The following ITGB5 variants were observed in gnomAD, a reference collection of about 807,000 sequenced individuals.
ITGB5 encodes integrin subunit beta 5, also known as integrin beta-5.
In ITGB5, 38 loss-of-function variants were observed where a neutral mutation model predicts 84.8. The observed-to-expected ratio is 0.45, with a 90% CI of 0.35 to 0.59. ITGB5 has a LOEUF of 0.59. Among genes scored for constraint, ITGB5 ranks in the 20% least tolerant of loss-of-function variants. The pLI is 0.01. For missense variants in ITGB5, 905 were observed against 1,034.5 expected (o/e 0.87, Z 1.72); for synonymous variants, 393 against 414.4 (o/e 0.95, Z 0.63).
chr3:124,856,550 T>C (rs1579301582), intron 3 of ITGB5, among the ~76,000 whole-genome samples: 1 of 152,270 alleles, frequency 6.6e-6, no homozygotes, highest in East Asian at 1.9e-4. Context: ...TGAATGAAAA[T>C]AGCACGATTA....
At position 124,841,384 on chromosome 3, in the gene ITGB5, T is replaced by C. The variant is rs1480819506; in HGVS notation, c.779A>G (p.Lys260Arg). 1.2e-6 allele frequency: 2 copies of C among 1,613,600 alleles called. No individual in the cohort carries two copies. The highest frequency in any genetic ancestry group is 1.7e-6 in the Non-Finnish European group (2 of 1,179,728). Residue 260 changes from lysine (K) to arginine (R), a missense_variant and splice_region_variant, in exon 5 of 15, where the codon AAG (lysine) becomes AGG (arginine). Lys to Arg is a conservative substitution (Grantham distance 26). This residue lies in a region of ITGB5 where 656 missense variants were observed against 734.7 expected (regional missense o/e 0.89). Transcript: ENST00000296181. ...GACAGGACCAGAAAGGAAAGTTACCTTGCAGACGGCTGCCTGGAGTACTGC... is the reference window on the plus strand; with the variant it reads ...GACAGGACCAGAAAGGAAAGTTACCCTGCAGACGGCTGCCTGGAGTACTGC... ...FDAVLQAAVCKEKIGWRKDAL... is the reference protein window; with the variant it reads ...FDAVLQAAVCREKIGWRKDAL...
chr3:124,821,048 C>T (rs890321134), intron 6 of ITGB5, among the ~76,000 whole-genome samples: 10 of 152,190 alleles, frequency 6.6e-5, no homozygotes, highest in Non-Finnish European at 1.5e-4. Context: ...CACCCGTATC[C>T]CAACCAAACA....
chr3:124,897,416 G>A (rs1470145319), intron 1 of ITGB5, among the ~76,000 whole-genome samples: 2 of 152,138 alleles, frequency 1.3e-5, no homozygotes, highest in African/African-American at 4.8e-5. Flanking sequence ...CTTCCTTCAT[G>A]TTCTTAGAGA....
chr3:124,890,882 T>C (rs1200144029), upstream of ITGB5, among the ~76,000 whole-genome samples: 2 of 152,210 alleles, frequency 1.3e-5, no homozygotes, highest in African/African-American at 2.4e-5. Context: ...TCTTCCTTTT[T>C]TTTATTAAGC....
At chr3:124,794,489 C>T (rs1270989037) in intron 10 of ITGB5, among the ~76,000 whole-genome samples, 2 of 151,992 alleles carry the variant, frequency 1.3e-5, no homozygotes, top group Admixed American at 1.3e-4. Flanking sequence ...TTTAACAGAA[C>T]GAAAAGGTGG....
intron 2 of ITGB5, among the ~76,000 whole-genome samples, chr3:124,867,203 T>C (rs1210694570): frequency 6.6e-6 from 1 of 152,192 alleles, no homozygotes; most frequent in Non-Finnish European, 1.5e-5. Context: ...CATGCATCCA[T>C]GGCCTCACTG....
intron 10 of ITGB5, among the ~76,000 whole-genome samples, chr3:124,794,152 AT>A (rs754530546): frequency 1.1e-4 from 17 of 152,244 alleles, no homozygotes; most frequent in Non-Finnish European, 1.6e-4. Context: ...AAACCACAGA[AT>A]ACATGATGTG....
chr3:124,765,193 G>T (rs2063749262), intron 13 of ITGB5, among the ~76,000 whole-genome samples: 3 of 152,136 alleles, frequency 2.0e-5, no homozygotes, highest in Admixed American at 2.0e-4. Flanking sequence ...ATCTTTTTCT[G>T]CTCCACCCCT....
intron 11 of ITGB5, 176 bp from the exon 12 acceptor site, chr3:124,769,289 A>C (rs1420005430): frequency 1.7e-6 from 1 of 583,484 alleles, no homozygotes; most frequent in East Asian, 2.9e-5. Flanking sequence ...GAGGAAGCCC[A>C]AGGGTTCTTG....
At chr3:124,776,371 G>T (rs2063927142) in intron 10 of ITGB5, among the ~76,000 whole-genome samples, 1 of 152,210 alleles carries the variant, frequency 6.6e-6, no homozygotes. Flanking sequence ...GGAGCACACT[G>T]GTCAAGAGCC....
upstream of ITGB5, among the ~76,000 whole-genome samples, chr3:124,892,387 A>T (rs949633185): frequency 2.6e-5 from 4 of 151,838 alleles, no homozygotes; most frequent in Non-Finnish European, 1.5e-5. Context: ...TGGTAAACTT[A>T]AAAATAGTTA....
chr3:124,814,491 AAAAG>A, intron 8 of ITGB5, among the ~76,000 whole-genome samples: 1 of 151,372 alleles, frequency 6.6e-6, no homozygotes, highest in South Asian at 2.1e-4. Flanking sequence ...AAAAAAAAAA[AAAAG>A]AGACAGAGTC....
At chr3:124,771,740 C>A (rs1226317608) in intron 11 of ITGB5, among the ~76,000 whole-genome samples, 1 of 125,068 alleles carries the variant, frequency 8.0e-6, no homozygotes, top group Non-Finnish European at 1.6e-5. Context: ...GGGAGTGAGA[C>A]CCTGTCTCAA....
chr3:124,846,368 T>C (rs1164074482), intron 4 of ITGB5, among the ~76,000 whole-genome samples: 1 of 150,656 alleles, frequency 6.6e-6, no homozygotes, highest in Non-Finnish European at 1.5e-5. Flanking sequence ...ATCCCTGAGT[T>C]ACTGCATGGA....
At position 124,822,060 on chromosome 3, in the gene ITGB5, A is replaced by G. The variant is rs73199514; in HGVS notation, c.781-586T>C. Among the ~76,000 whole-genome samples the G allele has an allele frequency of 6.0e-3, 905 of 150,004 alleles. 6 individuals carry two copies. The highest frequency in any genetic ancestry group is 9.2e-3 in the Non-Finnish European group (616 of 66,912). Reference sequence around the variant, plus strand: ...CCATTCCAATTGTTATTTGAGCCACATTGGTAGTTAAAGTCAATCAGATCC... The same window carrying G: ...CCATTCCAATTGTTATTTGAGCCACGTTGGTAGTTAAAGTCAATCAGATCC... On this transcript the variant is annotated intron_variant, in intron 5 of 14. Transcript: ENST00000296181.
rs769654168 is a variant in ITGB5 at position 124,764,532 on chromosome 3, C to A, written c.2163G>T (p.Met721Ile). The A allele has an allele frequency of 6.2e-6, 10 of 1,613,630 alleles. No individual in the cohort carries two copies. The South Asian group carries it at 1.1e-4, about 18-fold the overall frequency. Reference sequence around the variant, plus strand: ...TACCGACCACAGCCAGGAGGATGGTCATGGCGTTGGGGGTGTTTCCACACT... The same window carrying A: ...TACCGACCACAGCCAGGAGGATGGTAATGGCGTTGGGGGTGTTTCCACACT... ...EPECGNTPNA[M>I]TILLAVVGSI... is the part of the protein sequence containing the mutation. The change falls in exon 14 of 15, where the codon ATG becomes ATT. Residue 721 changes from methionine (M) to isoleucine (I), a missense_variant. Around this residue, in one of 3 missense-constraint regions of ITGB5, gnomAD observed 133 missense variants for 122.8 expected, o/e 1.08. Transcript: ENST00000296181.
intron 10 of ITGB5, among the ~76,000 whole-genome samples, chr3:124,775,077 G>C (rs929730624): frequency 7.2e-5 from 11 of 152,276 alleles, no homozygotes; most frequent in Middle Eastern, 3.4e-3. Context: ...AACCTGCAGG[G>C]GGATGCCCTG....
rs569145738 is a variant in ITGB5, at chr3:124,887,134, GCGCCCGCGCTGGCCCGCGCCCCGC to G, written c.-158_-135del. Reference sequence around the variant, plus strand: ...GCCCCGCGCGCAGCTCCGGCTCACGGCGCCCGCGCTGGCCCGCGCCCCGCCGCCACCATCCGTCCCGCAGCACTC... The same window carrying G: ...GCCCCGCGCGCAGCTCCGGCTCACGGCGCCACCATCCGTCCCGCAGCACTC... On this transcript the variant is annotated 5_prime_UTR_variant, in exon 1 of 15. Coordinates refer to ENST00000296181, the MANE Select transcript of ITGB5 (RefSeq NM_002213.5). 6.7e-4 allele frequency: 120 copies of G among 179,402 alleles called. No individual in the cohort carries two copies. Among genetic ancestry groups the G allele is most frequent in the Admixed American group, 2.5e-3 (37 of 15,018 alleles). 11.1% of individuals were successfully genotyped at this position (179,402 alleles called of 1,614,324 possible).
At chr3:124,890,440 C>G (rs1934975748), upstream of ITGB5, among the ~76,000 whole-genome samples, 1 of 151,928 alleles carries the variant, frequency 6.6e-6, no homozygotes, top group Non-Finnish European at 1.5e-5. Flanking sequence ...CTCCTGACCT[C>G]ATGATCCGCC....
Sources: allele counts gnomAD v4.1 joint callset (sites outside exome capture counted in the v4.1 genomes callset), GRCh38; gene constraint gnomAD v4.1.1; regional missense constraint gnomAD v4.1.1; transcripts MANE v1.5; gene names NCBI Gene and HGNC (gene_info 2026-07-23, HGNC 2026-07-21).